DLGAP2: variants seen among roughly 807,000 people sequenced by gnomAD.
DLGAP2 encodes disks large-associated protein 2.
In DLGAP2, 26 loss-of-function variants were observed where a neutral mutation model predicts 100.3. The observed-to-expected ratio is 0.26, with a 90% CI of 0.19 to 0.36. The LOEUF (loss-of-function observed/expected upper bound fraction) is 0.36. Ranked by LOEUF, DLGAP2 falls within the 10% of genes least tolerant of loss-of-function variation. The probability of loss-of-function intolerance (pLI) is 1.00; values close to 1 mark genes in which losing one functional copy is unlikely to be tolerated. For synonymous variants in DLGAP2, 886 were observed against 630.1 expected, an observed-to-expected ratio of 1.41 and a Z score of -6.08; for missense variants, 1,858 against 1,453.2, an observed-to-expected ratio of 1.28 and a Z score of -4.53.
intron 2 of DLGAP2, among the ~76,000 whole-genome samples, chr8:1,195,996 C>G (rs913710627): frequency 1.3e-5 from 2 of 152,214 alleles, no homozygotes; most frequent in Non-Finnish European, 2.9e-5. Flanking sequence ...TGGGGATGCT[C>G]ACGTTCGTGA....
chr8:1,206,664 A>G (rs1220838698), intron 2 of DLGAP2, among the ~76,000 whole-genome samples: 14 of 152,158 alleles, frequency 9.2e-5, no homozygotes, highest in Non-Finnish European at 8.8e-5. Context: ...GGACTGGGGT[A>G]GACTGTGAGT....
chr8:764,354 C>T (rs964283984), intron 1 of DLGAP2, among the ~76,000 whole-genome samples: 1 of 152,214 alleles, frequency 6.6e-6, no homozygotes, highest in Admixed American at 6.5e-5. Flanking sequence ...CGGTAATTTT[C>T]TCACTTCCTA....
intron 2 of DLGAP2, among the ~76,000 whole-genome samples, chr8:990,285 T>C (rs749670960): frequency 5.3e-5 from 8 of 151,664 alleles, no homozygotes; most frequent in Admixed American, 5.3e-4. Flanking sequence ...ATCGACCTTC[T>C]GAAGTTTTCT....
intron 2 of DLGAP2, among the ~76,000 whole-genome samples, chr8:1,106,623 C>T (rs1434138096): frequency 1.4e-5 from 2 of 147,110 alleles, no homozygotes; most frequent in Non-Finnish European, 3.0e-5. Context: ...GGAGGGTTTT[C>T]TATTGAAGGG....
intron 8 of DLGAP2, among the ~76,000 whole-genome samples, chr8:1,664,012 G>A (rs898597747): frequency 6.6e-6 from 1 of 152,238 alleles, no homozygotes; most frequent in Non-Finnish European, 1.5e-5. Flanking sequence ...AAAGTTTGCA[G>A]TATCCTTATG....
intron 2 of DLGAP2, among the ~76,000 whole-genome samples, chr8:1,219,871 T>A (rs1798283394): frequency 6.6e-6 from 1 of 152,098 alleles, no homozygotes; most frequent in Admixed American, 6.5e-5. Context: ...TTATTCTTTT[T>A]TTTTCTAGGT....
chr8:1,359,572 G>A (rs551127077), intron 3 of DLGAP2, among the ~76,000 whole-genome samples: 3 of 152,242 alleles, frequency 2.0e-5, no homozygotes, highest in African/African-American at 7.2e-5. Context: ...AGCCCAGGCC[G>A]CTCAGCGGGA....
At chr8:976,192 T>G (rs1800158135) in intron 2 of DLGAP2, among the ~76,000 whole-genome samples, 1 of 152,128 alleles carries the variant, frequency 6.6e-6, no homozygotes, top group South Asian at 2.1e-4. Context: ...GACATAACAT[T>G]TTCACGATAA....
intron 3 of DLGAP2, among the ~76,000 whole-genome samples, chr8:1,336,061 A>G (rs1173633812): frequency 1.3e-5 from 2 of 152,266 alleles, no homozygotes; most frequent in Admixed American, 6.5e-5. Context: ...AGCCCGTCTC[A>G]TGTCAAGCCT....
chr8:998,769 A>G, intron 2 of DLGAP2, among the ~76,000 whole-genome samples: 1 of 152,094 alleles, frequency 6.6e-6, no homozygotes, highest in East Asian at 1.9e-4. Context: ...TTTGGCTCAT[A>G]CCCTTTCTTT....
intron 2 of DLGAP2, among the ~76,000 whole-genome samples, chr8:1,135,503 G>GTTTTTTTTTTTTTTTTT (rs3080806): frequency 2.3e-4 from 21 of 92,234 alleles, no homozygotes; most frequent in Non-Finnish European, 3.3e-4. Flanking sequence ...TTTTTTGTGG[G>GTTTTTTTTTTTTTTTTT]TTTTTTTTTT....
intron 8 of DLGAP2, among the ~76,000 whole-genome samples, chr8:1,651,781 C>T (rs951073891): frequency 6.6e-6 from 1 of 152,204 alleles, no homozygotes; most frequent in Non-Finnish European, 1.5e-5. Flanking sequence ...TATTTTCCAT[C>T]TGGGTATGTG....
At chr8:1,036,608 G>A (rs979395074) in intron 2 of DLGAP2, among the ~76,000 whole-genome samples, 2 of 152,118 alleles carry the variant, frequency 1.3e-5, no homozygotes, top group Non-Finnish European at 2.9e-5. Flanking sequence ...GTTATAAGGG[G>A]AGGCCTGGCA....
At chr8:1,447,106 C>G (rs1002098553) in intron 3 of DLGAP2, among the ~76,000 whole-genome samples, 3 of 152,214 alleles carry the variant, frequency 2.0e-5, no homozygotes, top group Non-Finnish European at 4.4e-5. Context: ...CCTAATTGCC[C>G]TGGCCAGAAC....
At chr8:803,220 C>T (rs1311394071) in intron 1 of DLGAP2, among the ~76,000 whole-genome samples, 1 of 152,188 alleles carries the variant, frequency 6.6e-6, no homozygotes, top group Non-Finnish European at 1.5e-5. Flanking sequence ...TTCCTCCCCA[C>T]AAACCTCTCC....
chr8:1,347,881 G>T (rs1563097367), intron 3 of DLGAP2, among the ~76,000 whole-genome samples: 1 of 151,520 alleles, frequency 6.6e-6, no homozygotes, highest in South Asian at 2.1e-4. Flanking sequence ...CATGGTAGCT[G>T]TGTGGAGGTT....
chr8:916,536 T>C (rs1046196941), intron 2 of DLGAP2, among the ~76,000 whole-genome samples: 1 of 152,080 alleles, frequency 6.6e-6, no homozygotes, highest in African/African-American at 2.4e-5. Context: ...AGGGATAGCA[T>C]TAGGAGAAAT....
intron 6 of DLGAP2, among the ~76,000 whole-genome samples, chr8:1,616,034 T>G (rs1422712432): frequency 6.6e-6 from 1 of 152,220 alleles, no homozygotes; most frequent in Non-Finnish European, 1.5e-5. Flanking sequence ...TCTTAATGCC[T>G]GACTAGATGG....
intron 2 of DLGAP2, among the ~76,000 whole-genome samples, chr8:961,048 C>A (rs1264530223): frequency 6.7e-6 from 1 of 149,134 alleles, no homozygotes; most frequent in Non-Finnish European, 1.5e-5. Context: ...CATGTTGACA[C>A]CAATTCAGTG....
Sources: gnomAD v4.1 joint callset for allele counts (sites outside exome capture counted in the v4.1 genomes callset) on GRCh38, gnomAD v4.1.1 for gene constraint, MANE v1.5 for transcripts, NCBI Gene and HGNC (gene_info 2026-07-23, HGNC 2026-07-21) for gene names.